SEMA3D: variants seen among roughly 807,000 people sequenced by gnomAD.
SEMA3D encodes semaphorin 3D, also known as semaphorin-3D.
In SEMA3D, 84 loss-of-function variants were observed where a neutral mutation model predicts 100.1. The ratio of observed to expected loss-of-function variants is 0.84; its 90% CI spans 0.70 to 1.01. The LOEUF (loss-of-function observed/expected upper bound fraction) is 1.01. SEMA3D is among the 50% of genes least tolerant of loss of function. The pLI is 0.00. For synonymous variants in SEMA3D, 312 were observed against 320.7 expected, an observed-to-expected ratio of 0.97 and a Z score of 0.29; for missense variants, 875 against 934.1, an observed-to-expected ratio of 0.94 and a Z score of 0.82.
the SEMA3D span, among the ~76,000 whole-genome samples, chr7:85,208,599 A>T: frequency 6.6e-6 from 1 of 152,070 alleles, no homozygotes; most frequent in Non-Finnish European, 1.5e-5. Context: ...AATTCAGCAG[A>T]TCCTTTGTAC....
In SEMA3D at chr7:85,121,869, C is replaced by G. The variant is rs1376590093; in HGVS notation, c.23G>C (p.Arg8Thr). 1 of 1,588,628 alleles carries G rather than the reference C, an allele frequency of 6.3e-7. No homozygotes were observed. The highest frequency in any genetic ancestry group is 1.4e-5 in the African/African-American group (1 of 73,954). MNANKDE[R>T]LKARSQDFHL... is the part of the protein sequence containing the mutation. Reference sequence around the variant, plus strand: ...AAAATCTTGGCTTCTGGCTTTAAGTCTTTCATCTTTATTAGCATTCATGAT... The same window carrying G: ...AAAATCTTGGCTTCTGGCTTTAAGTGTTTCATCTTTATTAGCATTCATGAT... Residue 8 changes from arginine to threonine, a missense_variant, in exon 3 of 19, where the codon AGA becomes ACA. By Grantham distance (71) the Arg-to-Thr change is moderately conservative (BLOSUM62 -1). Coordinates refer to ENST00000284136, the MANE Select transcript of SEMA3D (RefSeq NM_001384900.1).
At chr7:85,209,263 A>AAT in the SEMA3D span, among the ~76,000 whole-genome samples, 6 of 151,756 alleles carry the variant, frequency 4.0e-5, no homozygotes, top group East Asian at 1.9e-4. Flanking sequence ...TATGTATGTG[A>AAT]ATATATATAT....
chr7:85,059,200 C>CAT (rs1791407986), intron 8 of SEMA3D, among the ~76,000 whole-genome samples: 2 of 152,196 alleles, frequency 1.3e-5, no homozygotes, highest in African/African-American at 4.8e-5. Context: ...GTATTTTAAA[C>CAT]ATATACAAAT....
At chr7:85,007,164 A>T (rs978897746) in intron 17 of SEMA3D, among the ~76,000 whole-genome samples, 1 of 151,908 alleles carries the variant, frequency 6.6e-6, no homozygotes, top group Non-Finnish European at 1.5e-5. Context: ...TCATCAATAT[A>T]TTAGCTATTT....
rs1789420444 is a variant in SEMA3D at position 85,121,782 on chromosome 7, G to A, written c.110C>T (p.Thr37Ile). The A allele has an allele frequency of 6.2e-7, 1 of 1,607,208 alleles. No homozygotes were observed. Among genetic ancestry groups the A allele is most frequent in the Non-Finnish European group, 8.5e-7 (1 of 1,177,270 alleles). Reference protein sequence around the residue: ...MTMLFLPVTGTLKQNIPRLKL... With the variant: ...MTMLFLPVTGILKQNIPRLKL... Reference sequence around the variant, plus strand: ...GAGTCTTGGAATATTTTGCTTCAAAGTGCCAGTGACTGGAAGAAACAACAT... The same window carrying A: ...GAGTCTTGGAATATTTTGCTTCAAAATGCCAGTGACTGGAAGAAACAACAT... Residue 37 changes from threonine to isoleucine, a missense_variant, in exon 3 of 19, where the codon ACT becomes ATT. Physicochemically the swap from Thr to Ile is moderately conservative, Grantham distance 89. Coordinates refer to ENST00000284136, the MANE Select transcript of SEMA3D (RefSeq NM_001384900.1).
chr7:85,017,017 A>G (rs7793364), intron 15 of SEMA3D, among the ~76,000 whole-genome samples: 10,123 of 151,642 alleles, frequency 0.067, 970 homozygotes, highest in East Asian at 0.22. Context: ...TTACTTCTCC[A>G]GATTCATTTC....
chr7:85,062,828 A>G (rs1044599141), intron 8 of SEMA3D, among the ~76,000 whole-genome samples: 1 of 152,338 alleles, frequency 6.6e-6, no homozygotes, highest in Non-Finnish European at 1.5e-5. Flanking sequence ...TGGAAATACA[A>G]TTTTAGGAAA....
chr7:85,038,726 G>A (rs1380451027), intron 11 of SEMA3D, among the ~76,000 whole-genome samples: 1 of 152,134 alleles, frequency 6.6e-6, no homozygotes, highest in East Asian at 1.9e-4. Flanking sequence ...TGAGATACTT[G>A]ACCAGAGGCA....
chr7:85,045,293 G>T (rs1381095023), intron 9 of SEMA3D, among the ~76,000 whole-genome samples: 1 of 151,870 alleles, frequency 6.6e-6, no homozygotes, highest in Non-Finnish European at 1.5e-5. Context: ...AAGTAAATTG[G>T]GGTAAGATCA....
intron 1 of SEMA3D, chr7:85,163,206 T>C (rs2116522878): frequency 6.5e-6 from 1 of 152,892 alleles, no homozygotes; most frequent in African/African-American, 2.4e-5. Context: ...ACTGCCTGGT[T>C]CCACATTCTA....
intron 3 of SEMA3D, among the ~76,000 whole-genome samples, chr7:85,105,027 G>T (rs985920669): frequency 1.3e-5 from 2 of 151,906 alleles, no homozygotes; most frequent in Admixed American, 6.6e-5. Context: ...TTATTGCCCT[G>T]CCCACTTTTC....
At chr7:85,099,027 T>C (rs1788661699) in intron 3 of SEMA3D, among the ~76,000 whole-genome samples, 1 of 152,006 alleles carries the variant, frequency 6.6e-6, no homozygotes, top group Non-Finnish European at 1.5e-5. Context: ...TTAGTGCTAA[T>C]ATTTTGTTGT....
chr7:85,221,158 C>G, the SEMA3D span, among the ~76,000 whole-genome samples: 355 of 152,038 alleles, frequency 2.3e-3, 3 homozygotes, highest in Middle Eastern at 0.017. Context: ...GTAAACTATC[C>G]ATTGTTCAAC....
At chr7:85,095,292 G>A (rs1458182747) in intron 4 of SEMA3D, among the ~76,000 whole-genome samples, 1 of 151,930 alleles carries the variant, frequency 6.6e-6, no homozygotes, top group African/African-American at 2.4e-5. Context: ...AAATATGAAT[G>A]ATAATGGCCT....
the SEMA3D span, among the ~76,000 whole-genome samples, chr7:85,232,554 A>C: frequency 2.9e-3 from 447 of 152,324 alleles, 1 homozygote; most frequent in Non-Finnish European, 4.1e-3. Flanking sequence ...TTAGCTTGTG[A>C]ATCTTGTGCA....
intron 1 of SEMA3D, among the ~76,000 whole-genome samples, chr7:85,177,858 TG>T (rs1791282067): frequency 6.6e-6 from 1 of 152,194 alleles, no homozygotes; most frequent in South Asian, 2.1e-4. Context: ...TGATATGGTC[TG>T]GTTCTGTGTT....
chr7:85,028,164 C>A, intron 12 of SEMA3D: 1 of 636,784 alleles, frequency 1.6e-6, no homozygotes. Flanking sequence ...AGACAAAAAG[C>A]TGCTACCCAT....
intron 3 of SEMA3D, among the ~76,000 whole-genome samples, chr7:85,110,338 T>C (rs1054949984): frequency 6.6e-6 from 1 of 151,920 alleles, no homozygotes; most frequent in Non-Finnish European, 1.5e-5. Flanking sequence ...ACAATTTTAC[T>C]AAAAAAGAGT....
rs1789575241 is a variant in SEMA3D at position 84,998,940 on chromosome 7, G to A, written c.*500C>T. ...ATTCTCCAGGAGTGAATGGCTCACT[G>A]AGAAAGTTCCTGTTGATAATGGGAG... On this transcript the variant is annotated 3_prime_UTR_variant, in exon 19 of 19. Transcript: ENST00000284136. The A allele has an allele frequency of 6.4e-6, 1 of 157,018 alleles. No homozygotes were observed. The highest frequency in any genetic ancestry group is 1.4e-5 in the Non-Finnish European group (1 of 70,932). 9.7% of individuals were successfully genotyped at this position (157,018 alleles called of 1,614,324 possible). A position where few individuals can be genotyped will look rare whatever the true frequency, so the allele number is the denominator to read the frequency against.
Sources: gnomAD v4.1 joint callset for allele counts (sites outside exome capture counted in the v4.1 genomes callset) on GRCh38, gnomAD v4.1.1 for gene constraint, MANE v1.5 for transcripts, NCBI Gene and HGNC (gene_info 2026-07-23, HGNC 2026-07-21) for gene names.